CPNE4: variants seen among roughly 807,000 people sequenced by gnomAD.
The protein encoded by CPNE4 is copine 4.
Under a neutral mutation model 67.9 loss-of-function variants are expected in CPNE4, and 25 were observed. The ratio of observed to expected loss-of-function variants is 0.37; its 90% CI spans 0.27 to 0.51. CPNE4 has a LOEUF of 0.51. CPNE4 is among the 20% of genes least tolerant of loss of function. CPNE4 has a pLI of 0.93. For synonymous variants in CPNE4, 242 were observed against 244.9 expected, an observed-to-expected ratio of 0.99 and a Z score of 0.11; for missense variants, 464 against 690.8, an observed-to-expected ratio of 0.67 and a Z score of 3.68.
At chr3:131,809,936 A>G (rs2084460002) in intron 2 of CPNE4, among the ~76,000 whole-genome samples, 1 of 152,092 alleles carries the variant, frequency 6.6e-6, no homozygotes, top group African/African-American at 2.4e-5. Context: ...AGAATTGAAA[A>G]GGAGTCATGG....
intron 1 of CPNE4, among the ~76,000 whole-genome samples, chr3:131,992,911 T>A (rs1166029487): frequency 7.4e-6 from 1 of 135,880 alleles, no homozygotes; most frequent in East Asian, 2.4e-4. Flanking sequence ...AAGGACACAT[T>A]TGCTTCCCCT....
rs750127465 is a variant in CPNE4, at chr3:131,581,693, C to T, written c.781-28G>A. ...GAAAGAAGGGTCATAGCATGAGAAT[C>T]TGTTCAGGAAAAAGCTGAGTCTTTC... On this transcript the variant is annotated intron_variant, in intron 8 of 15. Transcript: ENST00000429747. The T allele has an allele frequency of 3.9e-6, 6 of 1,543,846 alleles. No individual in the cohort carries two copies. The East Asian group carries it at 1.3e-4, about 35-fold the overall frequency.
chr3:131,827,958 G>A (rs2107986720), intron 2 of CPNE4, among the ~76,000 whole-genome samples: 1 of 152,062 alleles, frequency 6.6e-6, no homozygotes, highest in Admixed American at 6.5e-5. Context: ...GAGCATATCT[G>A]AGCTCTTCAC....
chr3:131,540,337 G>GTTAC (rs1431100097), intron 15 of CPNE4, among the ~76,000 whole-genome samples: 1 of 152,216 alleles, frequency 6.6e-6, no homozygotes, highest in Non-Finnish European at 1.5e-5. Flanking sequence ...GGAATGTGCA[G>GTTAC]TTACTTCCCT....
chr3:131,733,824 C>T (rs867539605), intron 2 of CPNE4, among the ~76,000 whole-genome samples: 15 of 152,238 alleles, frequency 9.9e-5, no homozygotes, highest in South Asian at 6.2e-4. Flanking sequence ...AGAGGTCACC[C>T]GAGGATGGAG....
At chr3:131,610,145 C>T (rs149860118) in intron 7 of CPNE4, among the ~76,000 whole-genome samples, 161 of 152,072 alleles carry the variant, frequency 1.1e-3, no homozygotes, top group African/African-American at 3.7e-3. Flanking sequence ...GAATACTAAC[C>T]ATGGGCCAGG....
chr3:132,010,273 A>T (rs2073722321), intron 1 of CPNE4, among the ~76,000 whole-genome samples: 1 of 151,916 alleles, frequency 6.6e-6, no homozygotes, highest in African/African-American at 2.4e-5. Context: ...ACAAGAAAGC[A>T]TTTAGCACCC....
At chr3:131,888,696 T>C (rs1216676091) in intron 2 of CPNE4, among the ~76,000 whole-genome samples, 2 of 152,152 alleles carry the variant, frequency 1.3e-5, no homozygotes, top group East Asian at 1.9e-4. Flanking sequence ...TTCGAGTCCG[T>C]AGATTAGAGA....
intron 7 of CPNE4, among the ~76,000 whole-genome samples, chr3:131,588,948 C>T (rs1454978275): frequency 6.6e-6 from 1 of 152,144 alleles, no homozygotes; most frequent in African/African-American, 2.4e-5. Flanking sequence ...TATGTTAATT[C>T]CCTGCTTAAA....
At chr3:131,632,423 A>G (rs2079254211) in intron 7 of CPNE4, among the ~76,000 whole-genome samples, 1 of 152,174 alleles carries the variant, frequency 6.6e-6, no homozygotes, top group African/African-American at 2.4e-5. Context: ...TCACTCAGTC[A>G]GTAAGTAACA....
chr3:131,550,230 G>T, intron 13 of CPNE4, 150 bp from the exon 14 acceptor site: 1 of 769,434 alleles, frequency 1.3e-6, no homozygotes, highest in Non-Finnish European at 2.0e-6. Flanking sequence ...ATACCACATT[G>T]CTAGTGTTGC....
At chr3:131,807,002 G>C (rs1177969647) in intron 2 of CPNE4, among the ~76,000 whole-genome samples, 1 of 152,204 alleles carries the variant, frequency 6.6e-6, no homozygotes, top group African/African-American at 2.4e-5. Context: ...AGAGATAAGA[G>C]AAAGAGAAAG....
intron 1 of CPNE4, among the ~76,000 whole-genome samples, chr3:131,932,016 C>T (rs2071076889): frequency 6.6e-6 from 1 of 152,170 alleles, no homozygotes; most frequent in South Asian, 2.1e-4. Flanking sequence ...ATAACTACCA[C>T]AGTGAAAAGG....
At chr3:131,938,277 A>G (rs941893096) in intron 1 of CPNE4, among the ~76,000 whole-genome samples, 4 of 151,978 alleles carry the variant, frequency 2.6e-5, no homozygotes, top group African/African-American at 4.8e-5. Context: ...GGATCACTTG[A>G]GCCTGGGAGG....
chr3:131,949,011 C>T (rs963720930), intron 1 of CPNE4, among the ~76,000 whole-genome samples: 2 of 152,194 alleles, frequency 1.3e-5, no homozygotes, highest in Non-Finnish European at 2.9e-5. Flanking sequence ...GGTTGCATGA[C>T]GTTGAGACAT....
intron 7 of CPNE4, among the ~76,000 whole-genome samples, chr3:131,655,445 T>C (rs1418757207): frequency 6.6e-6 from 1 of 152,284 alleles, no homozygotes; most frequent in East Asian, 1.9e-4. Flanking sequence ...GGTGATTGCA[T>C]GGTAAGAGAG....
intron 1 of CPNE4, among the ~76,000 whole-genome samples, chr3:132,001,609 A>AAGAG: frequency 6.8e-6 from 1 of 147,638 alleles, no homozygotes; most frequent in Non-Finnish European, 1.5e-5. Flanking sequence ...GAAAGAAAGA[A>AAGAG]AGAAAGAAAA....
intron 7 of CPNE4, among the ~76,000 whole-genome samples, chr3:131,631,344 T>C (rs2079216472): frequency 6.6e-6 from 1 of 152,222 alleles, no homozygotes; most frequent in Admixed American, 6.5e-5. Flanking sequence ...CGGGGATTTT[T>C]GGTTTTGATT....
chr3:131,795,136 T>C (rs990325306), intron 2 of CPNE4, among the ~76,000 whole-genome samples: 1 of 152,090 alleles, frequency 6.6e-6, no homozygotes, highest in Non-Finnish European at 1.5e-5. Context: ...TGCTAGTGAG[T>C]TGACAAAAAA....
Sources: gnomAD v4.1 joint callset for allele counts (sites outside exome capture counted in the v4.1 genomes callset) on GRCh38, gnomAD v4.1.1 for gene constraint, MANE v1.5 for transcripts, NCBI Gene and HGNC (gene_info 2026-07-23, HGNC 2026-07-21) for gene names.